The following DEFB123 variants were observed in gnomAD, a reference collection of about 807,000 sequenced individuals.
DEFB123 encodes beta-defensin 123.
For synonymous variants in DEFB123, 22 were observed against 28.3 expected (o/e 0.78, Z 0.71); for missense variants, 71 against 75.0 (o/e 0.95, Z 0.20).
chr20:31,443,515 AG>A (rs1339204062), intron 1 of DEFB123, among the ~76,000 whole-genome samples: 1 of 152,220 alleles, frequency 6.6e-6, no homozygotes, highest in African/African-American at 2.4e-5. Context: ...AGAGGCAGAG[AG>A]TAAGTGTCTT....
chr20:31,450,195 A>G lies in DEFB123; in HGVS notation c.*21A>G. 1 of 1,589,068 alleles carries G rather than the reference A, an allele frequency of 6.3e-7. No homozygotes were observed. Among genetic ancestry groups the G allele is most frequent in the South Asian group, 1.2e-5 (1 of 86,806 alleles). On this transcript the variant is annotated 3_prime_UTR_variant, in exon 2 of 2. Transcript: ENST00000376309. ...TTTAACTGCTTTGAAGCCTGAAGCCATGAAAATGCAGATGAAGCTCCCAGT... is the reference window on the plus strand; with the variant it reads ...TTTAACTGCTTTGAAGCCTGAAGCCGTGAAAATGCAGATGAAGCTCCCAGT...
intron 1 of DEFB123, among the ~76,000 whole-genome samples, chr20:31,443,135 A>G (rs1241390356): frequency 6.6e-6 from 1 of 152,128 alleles, no homozygotes; most frequent in African/African-American, 2.4e-5. Context: ...TCCTGCTAGC[A>G]CTTACTACTG....
intron 1 of DEFB123, among the ~76,000 whole-genome samples, chr20:31,442,790 G>A (rs1281847420): frequency 6.6e-6 from 1 of 151,912 alleles, no homozygotes; most frequent in Non-Finnish European, 1.5e-5. Flanking sequence ...TGTATTTTTA[G>A]TAGGATACGG....
intron 1 of DEFB123, among the ~76,000 whole-genome samples, chr20:31,444,323 T>C (rs151145072): frequency 3.8e-4 from 58 of 152,286 alleles, no homozygotes; most frequent in Middle Eastern, 3.4e-3. Flanking sequence ...GTTCGTTCTT[T>C]ATAATTTTTA....
chr20:31,447,071 T>C (rs1486725792), intron 1 of DEFB123, among the ~76,000 whole-genome samples: 1 of 152,034 alleles, frequency 6.6e-6, no homozygotes, highest in Non-Finnish European at 1.5e-5. Flanking sequence ...GAGACCAGCC[T>C]GACCAACATG....
At chr20:31,442,901 C>T (rs1371769227) in intron 1 of DEFB123, among the ~76,000 whole-genome samples, 1 of 152,128 alleles carries the variant, frequency 6.6e-6, no homozygotes, top group Non-Finnish European at 1.5e-5. Context: ...AGCCACCATG[C>T]CCGGTCTTTG....
chr20:31,443,565 T>C (rs1979516073), intron 1 of DEFB123, among the ~76,000 whole-genome samples: 1 of 152,226 alleles, frequency 6.6e-6, no homozygotes, highest in South Asian at 2.1e-4. Context: ...TGGGTATTCA[T>C]AGCAAGAGAC....
At position 31,449,975 on chromosome 20, in the gene DEFB123, C is replaced by A. The variant is rs780067817; in HGVS notation, c.59-54C>A. ...CATTCTTTTACAGACCTTTCAAATC[C>A]GGAGCCTACTTGTTAGGACTGATAC... On this transcript the variant is annotated intron_variant, in intron 1 of 1. Transcript: ENST00000376309. The A allele has an allele frequency of 2.5e-5, 38 of 1,516,790 alleles. No homozygotes were observed. In the African/African-American group the frequency reaches 4.9e-4, roughly 19 times the overall value. The allele number at this position is 1,516,790 out of a possible 1,614,324, so 94.0% of individuals were successfully genotyped here. A position where few individuals can be genotyped will look rare whatever the true frequency, so the allele number is the denominator to read the frequency against.
chr20:31,441,091 G>A (rs911028043), intron 1 of DEFB123, among the ~76,000 whole-genome samples: 1 of 152,308 alleles, frequency 6.6e-6, no homozygotes, highest in South Asian at 2.1e-4. Flanking sequence ...CAGAATGAAC[G>A]AAGCTTTGTG....
chr20:31,448,735 G>A (rs1246056903), intron 1 of DEFB123, among the ~76,000 whole-genome samples: 2 of 152,000 alleles, frequency 1.3e-5, no homozygotes, highest in African/African-American at 2.4e-5. Flanking sequence ...CTTTGAGACA[G>A]AGTTTCGCTC....
intron 1 of DEFB123, among the ~76,000 whole-genome samples, chr20:31,447,562 T>A (rs1979620690): frequency 6.6e-6 from 1 of 151,834 alleles, no homozygotes; most frequent in Admixed American, 6.6e-5. Context: ...ACTTTAAAGA[T>A]CTCTCTCTAC....
chr20:31,449,208 CT>C (rs112781684), intron 1 of DEFB123, among the ~76,000 whole-genome samples: 275 of 142,378 alleles, frequency 1.9e-3, no homozygotes, highest in Admixed American at 1.8e-3. Context: ...TATTTTCCTG[CT>C]TTTTTTTTTT....
At chr20:31,448,423 T>G (rs1470398417) in intron 1 of DEFB123, among the ~76,000 whole-genome samples, 1 of 152,152 alleles carries the variant, frequency 6.6e-6, no homozygotes, top group Non-Finnish European at 1.5e-5. Flanking sequence ...TTTTCAGCCA[T>G]TATTACTTCA....
At chr20:31,447,353 C>T (rs1220749732) in intron 1 of DEFB123, among the ~76,000 whole-genome samples, 2 of 152,122 alleles carry the variant, frequency 1.3e-5, no homozygotes, top group African/African-American at 4.8e-5. Context: ...AGTTCTGATT[C>T]TCTTTACTCC....
intron 1 of DEFB123, among the ~76,000 whole-genome samples, chr20:31,449,107 A>G (rs1229931840): frequency 4.0e-5 from 6 of 151,494 alleles, no homozygotes; most frequent in African/African-American, 1.5e-4. Flanking sequence ...GAGCATATTT[A>G]TCATAGCTGT....
At position 31,450,191 on chromosome 20, in the gene DEFB123, A is replaced by G; in HGVS notation, c.*17A>G. 2 of 1,591,504 alleles carry G rather than the reference A, an allele frequency of 1.3e-6. No homozygotes were observed. Among genetic ancestry groups the G allele is most frequent in the Non-Finnish European group, 8.5e-7 (1 of 1,171,656 alleles). On this transcript the variant is annotated 3_prime_UTR_variant, in exon 2 of 2. Transcript: ENST00000376309. ...CCATTTTAACTGCTTTGAAGCCTGAAGCCATGAAAATGCAGATGAAGCTCC... is the reference window on the plus strand; with the variant it reads ...CCATTTTAACTGCTTTGAAGCCTGAGGCCATGAAAATGCAGATGAAGCTCC...
chr20:31,443,679 G>A (rs1979519152), intron 1 of DEFB123, among the ~76,000 whole-genome samples: 1 of 152,164 alleles, frequency 6.6e-6, no homozygotes, highest in South Asian at 2.1e-4. Flanking sequence ...TTTGTCCCTA[G>A]CTTGTTGGTG....
chr20:31,447,430 T>A (rs892490533), intron 1 of DEFB123, among the ~76,000 whole-genome samples: 2 of 152,172 alleles, frequency 1.3e-5, no homozygotes, highest in Admixed American at 1.3e-4. Context: ...CCTTTAGCAT[T>A]TCTTGTAGTG....
At position 31,440,724 on chromosome 20, in the gene DEFB123, C is replaced by T; in HGVS notation, c.26C>T (p.Thr9Ile). 3 of 1,613,780 alleles carry T rather than the reference C, an allele frequency of 1.9e-6. No individual in the cohort carries two copies. The South Asian group carries it at 3.3e-5, about 18-fold the overall frequency. ...ATGAAGCTCCTTTTGCTGACTTTGA[C>T]TGTGCTGCTGCTCTTATCCCAGCTG... MKLLLLTL[T>I]VLLLLSQLTP... Residue 9 changes from threonine (T) to isoleucine (I), a missense_variant, in exon 1 of 2, where the codon ACT becomes ATT. Transcript: ENST00000376309.
Sources: gnomAD v4.1 joint callset for allele counts (sites outside exome capture counted in the v4.1 genomes callset) on GRCh38, gnomAD v4.1.1 for gene constraint, MANE v1.5 for transcripts, NCBI Gene and HGNC (gene_info 2026-07-23, HGNC 2026-07-21) for gene names.